Variants in USP31 observed in about 807,000 individuals in gnomAD.
USP31 encodes the protein ubiquitin carboxyl-terminal hydrolase 31.
Under a neutral mutation model 119.4 loss-of-function variants are expected in USP31, and 44 were observed. The ratio of observed to expected loss-of-function variants is 0.37; its 90% CI spans 0.29 to 0.47. The LOEUF (loss-of-function observed/expected upper bound fraction) is 0.47, where lower values mean the gene tolerates loss of function less well. USP31 is among the 20% of genes least tolerant of loss of function. USP31 has a pLI of 0.99. For synonymous variants in USP31, 749 were observed against 705.6 expected (o/e 1.06, Z -0.97); for missense variants, 1,643 against 1,730.2 (o/e 0.95, Z 0.89).
chr16:23,091,080 G>C (rs1901342724), intron 6 of USP31, among the ~76,000 whole-genome samples: 1 of 152,116 alleles, frequency 6.6e-6, no homozygotes, highest in East Asian at 1.9e-4. Flanking sequence ...AGTTTTAGAA[G>C]GGCATGTGTG....
chr16:23,134,720 A>G (rs968815622), intron 1 of USP31, among the ~76,000 whole-genome samples: 1 of 151,898 alleles, frequency 6.6e-6, no homozygotes, highest in East Asian at 1.9e-4. Context: ...TATCCTATAT[A>G]CAAGAATACC....
intron 1 of USP31, among the ~76,000 whole-genome samples, chr16:23,147,765 C>A (rs1019345962): frequency 6.6e-6 from 1 of 152,098 alleles, no homozygotes; most frequent in African/African-American, 2.4e-5. Flanking sequence ...CCCGTCTCTA[C>A]AAAAGTGTTT....
intron 1 of USP31, among the ~76,000 whole-genome samples, chr16:23,136,673 T>C (rs1336896531): frequency 6.6e-6 from 1 of 151,956 alleles, no homozygotes. Flanking sequence ...AAAAAAACTT[T>C]TGTGCCTGAA....
At position 23,068,887 on chromosome 16, in the gene USP31, G is replaced by T. The variant is rs765090638; in HGVS notation, c.3218C>A (p.Ser1073Tyr). 6.2e-7 allele frequency: 1 copy of T among 1,601,314 alleles called. No homozygotes were observed. The highest frequency in any genetic ancestry group is 8.5e-7 in the Non-Finnish European group (1 of 1,173,950). The change falls in exon 16 of 16, where the codon TCC becomes TAC. Residue 1073 changes from serine (S) to tyrosine (Y), a missense_variant. Ser to Tyr is a moderately radical substitution (Grantham distance 144). Around this residue, in one of 5 missense-constraint regions of USP31, gnomAD observed 699 missense variants for 650.9 expected, o/e 1.07. Coordinates refer to ENST00000219689, the MANE Select transcript of USP31 (RefSeq NM_020718.4). The stretch of plus-strand genomic sequence containing the variant: ...GGAAGAAGAATCTGCTTTGCTGCGG[G>T]AGCGGGAGGGCTTTAGAGAGACTTT... ...PVKVSLKPSR[S>Y]RSKADSSSRG...
chr16:23,144,750 G>A (rs1219168228), intron 1 of USP31, among the ~76,000 whole-genome samples: 2 of 152,124 alleles, frequency 1.3e-5, no homozygotes, highest in African/African-American at 4.8e-5. Context: ...CCAAAGTGCC[G>A]GGATTACAGA....
At chr16:23,144,920 C>G (rs1384039920) in intron 1 of USP31, among the ~76,000 whole-genome samples, 8 of 152,204 alleles carry the variant, frequency 5.3e-5, no homozygotes, top group Non-Finnish European at 8.8e-5. Context: ...AATTATATCA[C>G]TTCCTTGCTT....
chr16:23,071,981 C>T (rs1283990825), intron 15 of USP31, 64 bp downstream of exon 15: 14 of 1,547,612 alleles, frequency 9.0e-6, no homozygotes, highest in South Asian at 1.3e-5. Context: ...AGGAAAAACA[C>T]GAGGGACTCT....
At chr16:23,140,871 C>A (rs1227086708) in intron 1 of USP31, among the ~76,000 whole-genome samples, 1 of 152,218 alleles carries the variant, frequency 6.6e-6, no homozygotes, top group African/African-American at 2.4e-5. Flanking sequence ...GCTCCAGTGT[C>A]TTGCCACAAA....
intron 13 of USP31, 114 bp from the exon 14 acceptor site, chr16:23,073,994 G>T: frequency 7.2e-7 from 1 of 1,388,570 alleles, no homozygotes; most frequent in Non-Finnish European, 1.0e-6. Context: ...TTTTAAGGCT[G>T]CGTATAGCAA....
intron 1 of USP31, among the ~76,000 whole-genome samples, chr16:23,123,550 A>AAATC (rs1383139504): frequency 6.6e-6 from 1 of 152,158 alleles, no homozygotes; most frequent in Non-Finnish European, 1.5e-5. Flanking sequence ...ATAAATAAAT[A>AAATC]AATAAATAAA....
At chr16:23,135,242 T>C (rs368889122) in intron 1 of USP31, among the ~76,000 whole-genome samples, 2 of 151,650 alleles carry the variant, frequency 1.3e-5, no homozygotes, top group Non-Finnish European at 1.5e-5. Context: ...TCATACTGAA[T>C]GGTCAAAGAC....
intron 6 of USP31, among the ~76,000 whole-genome samples, chr16:23,101,828 G>T (rs928462470): frequency 1.3e-5 from 2 of 152,000 alleles, no homozygotes; most frequent in African/African-American, 2.4e-5. Flanking sequence ...CCAAACCGCA[G>T]TAAGAGGAAA....
intron 6 of USP31, among the ~76,000 whole-genome samples, chr16:23,096,281 A>G (rs1203172220): frequency 1.3e-5 from 2 of 152,364 alleles, no homozygotes; most frequent in African/African-American, 4.8e-5. Flanking sequence ...ATCAAATTCA[A>G]TAAGAAGAGC....
At position 23,066,045 on chromosome 16, in the gene USP31, G is replaced by A. The variant is rs1049601404; in HGVS notation, c.*2001C>T. 2 of 152,214 alleles carry A rather than the reference G, an allele frequency of 1.3e-5. No individual in the cohort carries two copies. Among genetic ancestry groups the A allele is most frequent in the Admixed American group, 6.5e-5 (1 of 15,286 alleles). 9.4% of individuals were successfully genotyped at this position (152,214 alleles called of 1,614,324 possible). A position where few individuals can be genotyped will look rare whatever the true frequency, so the allele number is the denominator to read the frequency against. ...ACACTGATGGGGCTGTGATGTGCTGGGCTGAACGCAATGACAGCATCGAAG... is the reference window on the plus strand; with the variant it reads ...ACACTGATGGGGCTGTGATGTGCTGAGCTGAACGCAATGACAGCATCGAAG... On this transcript the variant is annotated 3_prime_UTR_variant, in exon 16 of 16. Transcript: ENST00000219689.
Position 23,082,418 on chromosome 16 carries a change from A to T in USP31, c.1950+20T>A. On this transcript the variant is annotated intron_variant, in intron 12 of 15. Transcript: ENST00000219689. ...ACTTGTCACAACTTGTTTGTTCCTGAGGATAAAGGATTTCCATACCTGCCG... is the reference window on the plus strand; with the variant it reads ...ACTTGTCACAACTTGTTTGTTCCTGTGGATAAAGGATTTCCATACCTGCCG... 1 of 1,612,516 alleles carries T rather than the reference A, an allele frequency of 6.2e-7. No individual in the cohort carries two copies. The highest frequency in any genetic ancestry group is 8.5e-7 in the Non-Finnish European group (1 of 1,178,682).
chr16:23,116,434 T>TA (rs1292813728), intron 1 of USP31, among the ~76,000 whole-genome samples: 1 of 152,122 alleles, frequency 6.6e-6, no homozygotes, highest in Non-Finnish European at 1.5e-5. Flanking sequence ...AATAATTAGC[T>TA]AAAACATAAG....
At chr16:23,075,244 G>A (rs963484390) in intron 13 of USP31, among the ~76,000 whole-genome samples, 1 of 152,192 alleles carries the variant, frequency 6.6e-6, no homozygotes, top group Non-Finnish European at 1.5e-5. Context: ...AGTGGCGTCA[G>A]GTCAGGCTTG....
chr16:23,105,299 G>T, intron 5 of USP31, 142 bp downstream of exon 5: 1 of 1,092,966 alleles, frequency 9.1e-7, no homozygotes, highest in Non-Finnish European at 1.2e-6. Flanking sequence ...TTGGGGCCTT[G>T]ATTTTTTTCC....
In USP31 at chr16:23,148,830, G is replaced by A. The variant is rs1265926358; in HGVS notation, c.441C>T (p.Ser147=). The A allele has an allele frequency of 5.2e-6, 8 of 1,537,960 alleles. No homozygotes were observed. Among genetic ancestry groups the A allele is most frequent in the Non-Finnish European group, 7.0e-6 (8 of 1,145,578 alleles). Residue 147 remains serine, a synonymous_variant, in exon 1 of 16, where the codon AGC becomes AGT. Transcript: ENST00000219689. The part of the protein sequence containing the change: ...CFMNATLQCL[S]NTELFAEYLA... ...GGTACTCGGCGAAGAGCTCGGTGTT[G>A]CTGAGGCACTGCAGCGTGGCGTTCA...
Sources: allele counts gnomAD v4.1 joint callset (sites outside exome capture counted in the v4.1 genomes callset), GRCh38; gene constraint gnomAD v4.1.1; regional missense constraint gnomAD v4.1.1; transcripts MANE v1.5; gene names NCBI Gene and HGNC (gene_info 2026-07-23, HGNC 2026-07-21).